The following TRAF5 variants were observed in gnomAD, a reference collection of about 807,000 sequenced individuals.
TRAF5 encodes the protein TNF receptor associated factor 5, also known as TNF receptor-associated factor 5.
A neutral mutation model predicts 64.5 loss-of-function variants in TRAF5; 48 were observed. The observed-to-expected ratio is 0.74, with a 90% CI of 0.59 to 0.95. TRAF5 has a LOEUF of 0.95. TRAF5 is among the 40% of genes least tolerant of loss of function. The pLI, the probability that TRAF5 is intolerant of heterozygous loss-of-function variation, is 0.00. For missense variants in TRAF5, 545 were observed against 662.8 expected (o/e 0.82, Z 1.95); for synonymous variants, 206 against 240.5 (o/e 0.86, Z 1.33).
chr1:211,345,094 C>T (rs1297932997), intron 1 of TRAF5, among the ~76,000 whole-genome samples: 1 of 152,082 alleles, frequency 6.6e-6, no homozygotes, highest in Non-Finnish European at 1.5e-5. Context: ...AATTTGTATT[C>T]TTAGTAGAGA....
In TRAF5 at chr1:211,369,839, C is replaced by T. The variant is rs948703930; in HGVS notation, c.930+247C>T. Among the ~76,000 whole-genome samples the T allele has an allele frequency of 4.0e-4, 60 of 151,098 alleles. 1 individual carries two copies. The highest frequency in any genetic ancestry group is 7.7e-4 in the Non-Finnish European group (52 of 67,474). On this transcript the variant is annotated intron_variant, in intron 9 of 10. Coordinates refer to ENST00000261464, the MANE Select transcript of TRAF5 (RefSeq NM_001033910.3). ...CGACGTGTATGTGTGTGTGTGTGTG[C>T]GTGTGCATGTGTGTGCACGTGCTCT...
intron 1 of TRAF5, among the ~76,000 whole-genome samples, chr1:211,333,103 C>T (rs951272047): frequency 2.6e-5 from 4 of 152,200 alleles, no homozygotes; most frequent in Non-Finnish European, 5.9e-5. Context: ...ATCTCTTCTA[C>T]CTCGTAACAG....
chr1:211,357,152 T>C (rs888954931), intron 4 of TRAF5: 11 of 152,172 alleles, frequency 7.2e-5, no homozygotes, highest in African/African-American at 1.9e-4. Context: ...CATGTCAAGT[T>C]TGATCACACT....
rs1558141910 is a variant in TRAF5, at chr1:211,356,396, A to G, written c.306A>G (p.Glu102=). 6.2e-7 allele frequency: 1 copy of G among 1,614,082 alleles called. No homozygotes were observed. Among genetic ancestry groups the G allele is most frequent in the Non-Finnish European group, 8.5e-7 (1 of 1,179,946 alleles). The change falls in exon 4 of 11, where the codon GAA becomes GAG. Residue 102 remains glutamate, a synonymous_variant. Coordinates refer to ENST00000261464, the MANE Select transcript of TRAF5 (RefSeq NM_001033910.3). The part of the protein sequence containing the change: ...EVFKDNCCKR[E]VLNLYVYCSN... ...TTAAAGACAATTGTTGCAAAAGAGA[A>G]GTCCTCAACTTATATGTATATTGCA...
chr1:211,370,369 T>G (rs1434677638), intron 9 of TRAF5, among the ~76,000 whole-genome samples: 4 of 116,790 alleles, frequency 3.4e-5, no homozygotes, highest in Non-Finnish European at 7.1e-5. Context: ...GCCAGCACAT[T>G]ATACATTAAA....
chr1:211,354,550 G>A, intron 3 of TRAF5, 83 bp downstream of exon 3: 1 of 1,412,894 alleles, frequency 7.1e-7, no homozygotes, highest in Non-Finnish European at 9.9e-7. Context: ...ATAGGAGCAG[G>A]AGAGTGGTCG....
chr1:211,368,735 T>A (rs552144585), intron 8 of TRAF5, among the ~76,000 whole-genome samples: 283 of 152,334 alleles, frequency 1.9e-3, no homozygotes, highest in South Asian at 3.7e-3. Flanking sequence ...TTCAAGTAGA[T>A]TATAAAATCT....
chr1:211,331,112 C>T (rs1041062291), intron 1 of TRAF5, among the ~76,000 whole-genome samples: 1 of 152,192 alleles, frequency 6.6e-6, no homozygotes, highest in Non-Finnish European at 1.5e-5. Flanking sequence ...ATCCTGTCCC[C>T]CTCAGCCAGT....
chr1:211,351,030 T>C (rs556363680), intron 1 of TRAF5, among the ~76,000 whole-genome samples: 2 of 73,444 alleles, frequency 2.7e-5, no homozygotes, highest in Admixed American at 3.5e-4. Flanking sequence ...TCTGGCCTCT[T>C]CTTTTTTTTT....
intron 2 of TRAF5, 121 bp from the exon 3 acceptor site, chr1:211,354,289 C>CA: frequency 2.5e-6 from 2 of 794,476 alleles, no homozygotes; most frequent in East Asian, 5.3e-5. Context: ...GAGGGAACAG[C>CA]ATGTGCAGAC....
intron 1 of TRAF5, among the ~76,000 whole-genome samples, chr1:211,345,538 G>A (rs1240851717): frequency 6.6e-6 from 1 of 152,160 alleles, no homozygotes; most frequent in African/African-American, 2.4e-5. Context: ...TGCATCTTGG[G>A]ATTGAACATT....
intron 7 of TRAF5, among the ~76,000 whole-genome samples, chr1:211,363,912 A>C (rs1703265588): frequency 2.9e-5 from 1 of 34,298 alleles, no homozygotes; most frequent in African/African-American, 7.3e-5. Context: ...CCCTGTCTCA[A>C]AAAAAAAAAA....
intron 1 of TRAF5, among the ~76,000 whole-genome samples, chr1:211,344,863 C>T (rs535513317): frequency 6.6e-6 from 1 of 152,306 alleles, no homozygotes; most frequent in East Asian, 1.9e-4. Context: ...AAGCGATCCT[C>T]CTGCCACAGC....
chr1:211,345,244 T>C (rs1422335244), intron 1 of TRAF5, among the ~76,000 whole-genome samples: 1 of 152,056 alleles, frequency 6.6e-6, no homozygotes, highest in African/African-American at 2.4e-5. Flanking sequence ...TTTGTAGAGA[T>C]GGGGTTTTGC....
At chr1:211,337,110 G>A (rs1702323430) in intron 1 of TRAF5, among the ~76,000 whole-genome samples, 1 of 152,270 alleles carries the variant, frequency 6.6e-6, no homozygotes, top group South Asian at 2.1e-4. Flanking sequence ...ATTCTATTCT[G>A]ATAGGGGAAG....
At chr1:211,338,937 A>C (rs1369912936) in intron 1 of TRAF5, among the ~76,000 whole-genome samples, 1 of 152,244 alleles carries the variant, frequency 6.6e-6, no homozygotes, top group Non-Finnish European at 1.5e-5. Context: ...AGTGAATGGC[A>C]GAAGGGTTTG....
In TRAF5 at chr1:211,372,607, C is replaced by T. The variant is rs1050953881; in HGVS notation, c.1579C>T (p.His527Tyr). ...ATCTGGCTGTCCCCGCTTTGTGGCTCATTCTGTTTTGGAGAATGCCAAGAA... is the reference window on the plus strand; with the variant it reads ...ATCTGGCTGTCCCCGCTTTGTGGCTTATTCTGTTTTGGAGAATGCCAAGAA... ...IASGCPRFVAHSVLENAKNAY... is the reference protein window; with the variant it reads ...IASGCPRFVAYSVLENAKNAY... Residue 527 changes from histidine (H) to tyrosine (Y), a missense_variant, in exon 11 of 11, where the codon CAT (histidine) becomes TAT (tyrosine). By Grantham distance (83) the His-to-Tyr change is moderately conservative. Transcript: ENST00000261464. 8 of 1,614,134 alleles carry T rather than the reference C, an allele frequency of 5.0e-6. No individual in the cohort carries two copies. The South Asian group carries it at 7.7e-5, about 16-fold the overall frequency.
At chr1:211,371,171 C>A in intron 9 of TRAF5, 131 bp from the exon 10 acceptor site, 2 of 864,558 alleles carry the variant, frequency 2.3e-6, no homozygotes, top group South Asian at 2.1e-5. Flanking sequence ...ATTTTATTTT[C>A]TGGGCTTGTA....
At chr1:211,346,528 C>A (rs1702611441) in intron 1 of TRAF5, 1 of 805,008 alleles carries the variant, frequency 1.2e-6, no homozygotes, top group African/African-American at 1.9e-5. Flanking sequence ...CTTGAAAACC[C>A]TGAAGACAAA....
Sources: gnomAD v4.1 joint callset for allele counts (sites outside exome capture counted in the v4.1 genomes callset) on GRCh38, gnomAD v4.1.1 for gene constraint, MANE v1.5 for transcripts, NCBI Gene and HGNC (gene_info 2026-07-23, HGNC 2026-07-21) for gene names.